The following SLC29A1 variants were observed in gnomAD, a reference collection of about 807,000 sequenced individuals.
The protein encoded by SLC29A1 is solute carrier family 29 member 1 (Augustine blood group), also known as equilibrative nucleoside transporter 1.
Under a neutral mutation model 48.3 loss-of-function variants are expected in SLC29A1, and 22 were observed. The ratio of observed to expected loss-of-function variants is 0.46; its 90% CI spans 0.33 to 0.65. The LOEUF (loss-of-function observed/expected upper bound fraction) is 0.65, where lower values mean the gene tolerates loss of function less well. Ranked by LOEUF, SLC29A1 falls within the 30% of genes least tolerant of loss-of-function variation. The pLI, the probability that SLC29A1 is intolerant of heterozygous loss-of-function variation, is 0.03. For missense variants in SLC29A1, 491 were observed against 575.3 expected (o/e 0.85, Z 1.50); for synonymous variants, 228 against 231.0 (o/e 0.99, Z 0.12).
rs1006949966 is a variant in SLC29A1, at chr6:44,229,232, C to A, written c.30-158C>A. 1.3e-5 allele frequency among the ~76,000 whole-genome samples: 2 copies of A among 152,158 alleles called. No homozygotes were observed. The highest frequency in any genetic ancestry group is 4.8e-5 in the African/African-American group (2 of 41,438). ...CGAGCAATGTACCCTTTTCTCCCCC[C>A]ACACCCATAAGAGGACACATGCAAA... On this transcript the variant is annotated intron_variant, in intron 2 of 12. Transcript: ENST00000371755. The surrounding 1 kb of genome is among the most constrained non-coding windows in gnomAD (Gnocchi z 5.1).
upstream of SLC29A1, chr6:44,221,761 G>T: frequency 1.5e-6 from 1 of 663,370 alleles, no homozygotes; most frequent in Non-Finnish European, 2.3e-6. This position sits in a 1 kb window ranked among gnomAD's most constrained non-coding sequence, Gnocchi z 4.2. Context: ...TGGCTACAGA[G>T]GGGTGTGGGT....
chr6:44,224,848 T>C (rs1243590623), intron 1 of SLC29A1, among the ~76,000 whole-genome samples: 1 of 152,120 alleles, frequency 6.6e-6, no homozygotes, highest in Non-Finnish European at 1.5e-5. Context: ...TGGTATCAGA[T>C]CCCTGTTTGC....
rs776970393 is a variant in SLC29A1 at position 44,232,420 on chromosome 6, T to C, written c.1051T>C (p.Phe351Leu). 9 of 1,610,504 alleles carry C rather than the reference T, an allele frequency of 5.6e-6. No homozygotes were observed. In the South Asian group the frequency reaches 9.9e-5, roughly 18 times the overall value. The change falls in exon 11 of 13, where the codon TTC becomes CTC. Residue 351 changes from phenylalanine to leucine, a missense_variant. Physicochemically the swap from Phe to Leu is conservative, Grantham distance 22. Coordinates refer to ENST00000371755, the MANE Select transcript of SLC29A1 (RefSeq NM_001372327.1). The surrounding 1 kb of genome is among the most constrained non-coding windows in gnomAD (Gnocchi z 4.7). ...GTTGGGCCGGAGCCTCACAGCTGTA[T>C]TCATGTGGGTAAGTGGAGGAAGAGG... The part of the protein sequence containing the change: ...DWLGRSLTAV[F>L]MWPGKDSRWL...
In SLC29A1 at chr6:44,233,411, G is replaced by C; in HGVS notation, c.1260-6G>C. ...GAGGTAGCCTTGCCCTTCCTTCCCC[G>C]CTTAGGAAAGTGAAGCCAGCTGAGG... On this transcript the variant is annotated splice_polypyrimidine_tract_variant and splice_region_variant and intron_variant, in intron 12 of 12. Transcript: ENST00000371755. 6.2e-7 allele frequency: 1 copy of C among 1,611,998 alleles called. No individual in the cohort carries two copies. Among genetic ancestry groups the C allele is most frequent in the Non-Finnish European group, 8.5e-7 (1 of 1,178,156 alleles).
chr6:44,229,452 T>G lies in SLC29A1; in HGVS notation c.92T>G (p.Phe31Cys). ...CTGGGAACGCTGCTCCCGTGGAATT[T>G]TTTCATGACGGCCACTCAGGTGAGG... ...LGLGTLLPWNFFMTATQYFTN... is the reference protein window; with the variant it reads ...LGLGTLLPWNCFMTATQYFTN... Residue 31 changes from phenylalanine (F) to cysteine (C), a missense_variant, in exon 3 of 13, where the codon TTT (phenylalanine) becomes TGT (cysteine). Coordinates refer to ENST00000371755, the MANE Select transcript of SLC29A1 (RefSeq NM_001372327.1). This position sits in a 1 kb window ranked among gnomAD's most constrained non-coding sequence, Gnocchi z 5.1. 6.2e-7 allele frequency: 1 copy of G among 1,614,148 alleles called. No homozygotes were observed. Among genetic ancestry groups the G allele is most frequent in the Non-Finnish European group, 8.5e-7 (1 of 1,180,010 alleles).
At position 44,232,291 on chromosome 6, in the gene SLC29A1, G is replaced by A; in HGVS notation, c.974-52G>A. 1 of 1,351,852 alleles carries A rather than the reference G, an allele frequency of 7.4e-7. No homozygotes were observed. Among genetic ancestry groups the A allele is most frequent in the Non-Finnish European group, 1.1e-6 (1 of 940,864 alleles). 83.7% of individuals were successfully genotyped at this position (1,351,852 alleles called of 1,614,324 possible). A position where few individuals can be genotyped will look rare whatever the true frequency, so the allele number is the denominator to read the frequency against. ...CTGAGGCCCAGTGAAGGTTAGGCTTGCTATACCTGCCTCTGTGAGCCTGAT... is the reference window on the plus strand; with the variant it reads ...CTGAGGCCCAGTGAAGGTTAGGCTTACTATACCTGCCTCTGTGAGCCTGAT... On this transcript the variant is annotated intron_variant, in intron 10 of 12. Coordinates refer to ENST00000371755, the MANE Select transcript of SLC29A1 (RefSeq NM_001372327.1). This position sits in a 1 kb window ranked among gnomAD's most constrained non-coding sequence, Gnocchi z 4.7.
At chr6:44,233,046 G>C in intron 12 of SLC29A1, 40 bp downstream of exon 12, 1 of 1,591,230 alleles carries the variant, frequency 6.3e-7, no homozygotes, top group Non-Finnish European at 8.6e-7. Flanking sequence ...CATCAGACAG[G>C]ATCTAGAGTT....
At chr6:44,222,280 G>C (rs1477805385), upstream of SLC29A1, among the ~76,000 whole-genome samples, 2 of 151,436 alleles carry the variant, frequency 1.3e-5, no homozygotes, top group Admixed American at 1.3e-4. Flanking sequence ...GGGTGGGGGA[G>C]GGTTGGGAAG....
upstream of SLC29A1, among the ~76,000 whole-genome samples, chr6:44,223,097 G>A (rs531642424): frequency 2.6e-5 from 4 of 152,222 alleles, no homozygotes; most frequent in East Asian, 7.7e-4. This position sits in a 1 kb window ranked among gnomAD's most constrained non-coding sequence, Gnocchi z 5.0. Context: ...AAGAAGAGGA[G>A]GGGGACTGAA....
In SLC29A1 at chr6:44,229,623, TGTCCTTG is replaced by T. The variant is rs763839693; in HGVS notation, c.150_156del (p.Val52LeufsTer3). The T allele has an allele frequency of 1.2e-5, 20 of 1,614,080 alleles. No homozygotes were observed. The highest frequency in any genetic ancestry group is 1.6e-5 in the Non-Finnish European group (19 of 1,180,040). ...AACCGCCTGGACATGTCCCAGAATG[TGTCCTTG>T]GTCACTGCTGAACTGAGCAAGGACG... On this transcript the variant is annotated frameshift_variant, in exon 4 of 13. Coordinates refer to ENST00000371755, the MANE Select transcript of SLC29A1 (RefSeq NM_001372327.1). LOFTEE classifies it high-confidence loss of function. This position sits in a 1 kb window ranked among gnomAD's most constrained non-coding sequence, Gnocchi z 5.1.
At chr6:44,223,463 G>T, upstream of SLC29A1, 1 of 878,518 alleles carries the variant, frequency 1.1e-6, no homozygotes, top group South Asian at 4.4e-5. The surrounding 1 kb of genome is among the most constrained non-coding windows in gnomAD (Gnocchi z 5.0). Flanking sequence ...GGAGCGCGCG[G>T]AGTCGCCGCG....
In SLC29A1 at chr6:44,227,354, G is replaced by T; in HGVS notation, c.29+12G>T. ...CAGCCTCAGGACAGGTAAGGGGTAA[G>T]GGGCTGGGCTGTGGATCCAGGGAAT... On this transcript the variant is annotated intron_variant, in intron 2 of 12. Transcript: ENST00000371755. The T allele has an allele frequency of 6.2e-7, 1 of 1,611,734 alleles. No individual in the cohort carries two copies.
Position 44,232,895 on chromosome 6 carries a change from G to A in SLC29A1, c.1148G>A (p.Arg383His), listed in dbSNP as rs771693498. Residue 383 changes from arginine to histidine, a missense_variant, in exon 12 of 13, where the codon CGC becomes CAC. By Grantham distance (29) the Arg-to-His change is conservative. Coordinates refer to ENST00000371755, the MANE Select transcript of SLC29A1 (RefSeq NM_001372327.1). The surrounding 1 kb of genome is among the most constrained non-coding windows in gnomAD (Gnocchi z 4.7). The stretch of plus-strand genomic sequence containing the variant: ...CTGCTGCTGTGCAACATTAAGCCCC[G>A]CCGCTACCTGACTGTGGTCTTCGAG... ...PLLLLCNIKP[R>H]RYLTVVFEHD... The A allele has an allele frequency of 9.3e-6, 15 of 1,614,012 alleles. No individual in the cohort carries two copies. Among genetic ancestry groups the A allele is most frequent in the African/African-American group, 1.3e-5 (1 of 74,936 alleles).
upstream of SLC29A1, among the ~76,000 whole-genome samples, chr6:44,221,351 A>C (rs2128335809): frequency 6.6e-6 from 1 of 152,306 alleles, no homozygotes; most frequent in East Asian, 1.9e-4. The surrounding 1 kb of genome is among the most constrained non-coding windows in gnomAD (Gnocchi z 4.2). Flanking sequence ...GCTGGTTACC[A>C]ACCCCCAGGC....
chr6:44,227,475 C>G (rs1777833352), intron 2 of SLC29A1, 133 bp downstream of exon 2: 3 of 773,148 alleles, frequency 3.9e-6, no homozygotes, highest in African/African-American at 1.7e-5. Flanking sequence ...AGGTCTGCAT[C>G]AGGGGTGGGG....
chr6:44,221,863 C>T (rs192269329), upstream of SLC29A1, among the ~76,000 whole-genome samples: 3 of 152,316 alleles, frequency 2.0e-5, no homozygotes, highest in East Asian at 5.8e-4. This position sits in a 1 kb window ranked among gnomAD's most constrained non-coding sequence, Gnocchi z 4.2. Flanking sequence ...CTGGCAGGGC[C>T]CCAGTTTGGG....
chr6:44,230,973 C>T (rs1778729547), intron 8 of SLC29A1, 84 bp downstream of exon 8: 3 of 1,031,284 alleles, frequency 2.9e-6, no homozygotes, highest in Admixed American at 1.7e-5. Flanking sequence ...AGATGAGTGC[C>T]CTGTGTTAGC....
At chr6:44,221,568 A>T, upstream of SLC29A1, 2 of 1,149,740 alleles carry the variant, frequency 1.7e-6, no homozygotes, top group Non-Finnish European at 2.3e-6. The surrounding 1 kb of genome is among the most constrained non-coding windows in gnomAD (Gnocchi z 4.2). Context: ...AACCCTTCCC[A>T]CCCCACCCCT....
upstream of SLC29A1, chr6:44,219,751 A>G (rs1331534477): frequency 7.8e-7 from 1 of 1,288,770 alleles, no homozygotes; most frequent in Non-Finnish European, 1.0e-6. Context: ...GTCCCCCACC[A>G]AGTCCGGATG....
Sources: allele counts gnomAD v4.1 joint callset (sites outside exome capture counted in the v4.1 genomes callset), GRCh38; gene constraint gnomAD v4.1.1; non-coding constraint Gnocchi (gnomAD v3.1); transcripts MANE v1.5; gene names NCBI Gene and HGNC (gene_info 2026-07-23, HGNC 2026-07-21).